Variants in CWF19L2 observed in about 807,000 individuals in gnomAD.
CWF19L2 encodes CWF19-like protein 2.
CWF19L2 carries 98 observed loss-of-function variants against 111.7 expected under a neutral mutation model. That is an observed-to-expected ratio of 0.88 (90% CI 0.75 to 1.04). The LOEUF is 1.04. CWF19L2 is among the 50% of genes least tolerant of loss of function. CWF19L2 has a pLI of 0.00. For missense variants in CWF19L2, 1,101 were observed against 1,051.4 expected (o/e 1.05, Z -0.65); for synonymous variants, 351 against 342.9 (o/e 1.02, Z -0.26).
chr11:107,446,836 T>C (rs1381051244), intron 3 of CWF19L2, among the ~76,000 whole-genome samples: 1 of 152,200 alleles, frequency 6.6e-6, no homozygotes, highest in Non-Finnish European at 1.5e-5. Context: ...TTCAGCAAAA[T>C]TGATGCTCCC....
chr11:107,381,807 G>A (rs117007864), intron 12 of CWF19L2, among the ~76,000 whole-genome samples: 2,210 of 151,996 alleles, frequency 0.015, 24 homozygotes, highest in South Asian at 0.038. Flanking sequence ...GACTACTTCC[G>A]GGGAAAATAT....
intron 14 of CWF19L2, among the ~76,000 whole-genome samples, chr11:107,339,786 C>A (rs1008274198): frequency 6.6e-6 from 1 of 151,392 alleles, no homozygotes; most frequent in Non-Finnish European, 1.5e-5. Flanking sequence ...CCGCCTTGGC[C>A]CCCCCACAAC....
At chr11:107,424,834 G>A (rs1210749598) in intron 8 of CWF19L2, among the ~76,000 whole-genome samples, 1 of 151,820 alleles carries the variant, frequency 6.6e-6, no homozygotes, top group Admixed American at 6.6e-5. Flanking sequence ...TGAACACAAT[G>A]TAACAGTAAT....
rs1444279725 is a variant in CWF19L2, at chr11:107,429,409, C to G, written c.823G>C (p.Ala275Pro). 1 of 1,569,736 alleles carries G rather than the reference C, an allele frequency of 6.4e-7. No homozygotes were observed. Among genetic ancestry groups the G allele is most frequent in the African/African-American group, 1.4e-5 (1 of 73,692 alleles). The change falls in exon 8 of 18, where the codon GCT becomes CCT. Residue 275 changes from alanine (A) to proline (P), a missense_variant. Coordinates refer to ENST00000282251, the MANE Select transcript of CWF19L2 (RefSeq NM_152434.3). ...FQSKLEDAEK[A>P]ASTKEDYRRE... ...CTATAATCTTCTTTCGTGGATGCAG[C>G]TTTTTCAGCATCTTCTAATTTTGAC...
Position 107,447,693 on chromosome 11 carries a change from T to C in CWF19L2, c.340-4644A>G, listed in dbSNP as rs1366874240. ...AACTGTATGCCAAAAGGAAACTCAA[T>C]ACTCTCTGAAGAAGTCAACAAAATC... On this transcript the variant is annotated intron_variant, in intron 3 of 17. Transcript: ENST00000282251. 6.6e-5 allele frequency among the ~76,000 whole-genome samples: 10 copies of C among 152,314 alleles called. No individual in the cohort carries two copies. In the East Asian group the frequency reaches 1.7e-3, roughly 26 times the overall value.
chr11:107,394,961 A>G (rs933449103), intron 10 of CWF19L2, among the ~76,000 whole-genome samples: 3 of 152,220 alleles, frequency 2.0e-5, no homozygotes, highest in Non-Finnish European at 2.9e-5. Context: ...CCCAAGTCCA[A>G]TAATTACTAG....
intron 10 of CWF19L2, among the ~76,000 whole-genome samples, chr11:107,405,269 G>A (rs1377710815): frequency 6.6e-6 from 1 of 152,126 alleles, no homozygotes; most frequent in Admixed American, 6.5e-5. Flanking sequence ...GAATAGTTGT[G>A]GCACAGATTG....
intron 10 of CWF19L2, among the ~76,000 whole-genome samples, chr11:107,402,903 A>ATATAT (rs60700487): frequency 1.0e-4 from 13 of 127,698 alleles, no homozygotes; most frequent in Non-Finnish European, 1.8e-4. Flanking sequence ...ATATATATAT[A>ATATAT]ATGGAATACT....
At chr11:107,440,467 T>C (rs1159055321) in intron 5 of CWF19L2, among the ~76,000 whole-genome samples, 1 of 152,208 alleles carries the variant, frequency 6.6e-6, no homozygotes, top group Non-Finnish European at 1.5e-5. Flanking sequence ...TTTCTTAGTT[T>C]GTATCAAAAA....
At chr11:107,438,736 A>C (rs966353029) in intron 6 of CWF19L2, among the ~76,000 whole-genome samples, 4 of 152,168 alleles carry the variant, frequency 2.6e-5, no homozygotes, top group Admixed American at 6.5e-5. Flanking sequence ...TGGGTCATAC[A>C]CTTATAATAC....
At chr11:107,395,964 C>T (rs1860915588) in intron 10 of CWF19L2, among the ~76,000 whole-genome samples, 1 of 152,056 alleles carries the variant, frequency 6.6e-6, no homozygotes, top group Admixed American at 6.6e-5. Context: ...GCACCTCAGA[C>T]AGATTAATTG....
intron 14 of CWF19L2, among the ~76,000 whole-genome samples, chr11:107,338,489 G>A (rs1859959729): frequency 6.6e-6 from 1 of 151,946 alleles, no homozygotes; most frequent in Non-Finnish European, 1.5e-5. Context: ...ATGGTGGTTT[G>A]CTGCACAGAT....
chr11:107,454,798 A>G (rs899449922), intron 2 of CWF19L2, among the ~76,000 whole-genome samples: 1 of 152,216 alleles, frequency 6.6e-6, no homozygotes, highest in Non-Finnish European at 1.5e-5. Flanking sequence ...CTTACCAGAA[A>G]AATACTGGGA....
chr11:107,390,171 T>C lies in CWF19L2; in HGVS notation c.1775A>G (p.His592Arg). 6.2e-7 allele frequency: 1 copy of C among 1,611,010 alleles called. No individual in the cohort carries two copies. The highest frequency in any genetic ancestry group is 8.5e-7 in the Non-Finnish European group (1 of 1,177,968). ...HEERERVRYF[H>R]DDDNLSLNDL... ...ATTTAGGCTTAGATTATCATCATCATGAAAGTATCTGACCCTTTCTCTTTC... is the reference window on the plus strand; with the variant it reads ...ATTTAGGCTTAGATTATCATCATCACGAAAGTATCTGACCCTTTCTCTTTC... The change falls in exon 12 of 18, where the codon CAT (histidine) becomes CGT (arginine). Residue 592 changes from histidine (H) to arginine (R), a missense_variant. Transcript: ENST00000282251.
chr11:107,414,325 T>C (rs1182790158), intron 10 of CWF19L2, among the ~76,000 whole-genome samples: 1 of 152,092 alleles, frequency 6.6e-6, no homozygotes, highest in Non-Finnish European at 1.5e-5. Flanking sequence ...CCCAAGTAGC[T>C]GGGACTACAG....
intron 10 of CWF19L2, among the ~76,000 whole-genome samples, chr11:107,411,324 T>C (rs558842102): frequency 2.0e-5 from 3 of 152,262 alleles, no homozygotes; most frequent in African/African-American, 7.2e-5. Context: ...ACCTTTTATA[T>C]TGTGTTTAAG....
intron 14 of CWF19L2, among the ~76,000 whole-genome samples, chr11:107,344,418 C>T (rs1309684429): frequency 6.6e-6 from 1 of 152,156 alleles, no homozygotes; most frequent in African/African-American, 2.4e-5. Context: ...CTGCTGATGA[C>T]AATTTCTCTT....
intron 10 of CWF19L2, among the ~76,000 whole-genome samples, chr11:107,405,797 G>T (rs1403654336): frequency 6.9e-6 from 1 of 144,998 alleles, no homozygotes; most frequent in African/African-American, 2.6e-5. Context: ...TTAACAAGAT[G>T]TTGGAAGTAA....
chr11:107,403,832 T>C (rs1253856110), intron 10 of CWF19L2: 5 of 816,488 alleles, frequency 6.1e-6, no homozygotes, highest in Non-Finnish European at 1.1e-5. Context: ...TTTAAGTTCA[T>C]TGTTAAGTGA....
Sources: gnomAD v4.1 joint callset for allele counts (sites outside exome capture counted in the v4.1 genomes callset) on GRCh38, gnomAD v4.1.1 for gene constraint, MANE v1.5 for transcripts, NCBI Gene and HGNC (gene_info 2026-07-23, HGNC 2026-07-21) for gene names.